MAGEC3: variants seen among roughly 807,000 people sequenced by gnomAD.
MAGEC3 encodes melanoma-associated antigen C3.
In MAGEC3, 34 loss-of-function variants were observed where a neutral mutation model predicts 35.3. The observed-to-expected ratio is 0.96, with a 90% CI of 0.73 to 1.28. The LOEUF is 1.28. Ranked by LOEUF, MAGEC3 falls within the 50% of genes most tolerant of loss-of-function variation. The probability of loss-of-function intolerance (pLI) is 0.00; values close to 1 mark genes in which losing one functional copy is unlikely to be tolerated. For synonymous variants in MAGEC3, 202 were observed against 185.6 expected, an observed-to-expected ratio of 1.09 and a Z score of -0.72; for missense variants, 561 against 483.6, an observed-to-expected ratio of 1.16 and a Z score of -1.50.
At position 141,865,610 on chromosome X, in the gene MAGEC3, G is replaced by A; in HGVS notation, c.258+5G>A. 8.3e-7 allele frequency: 1 copy of A among 1,198,530 alleles called. No individual in the cohort carries two copies. Among genetic ancestry groups the A allele is most frequent in the African/African-American group, 1.7e-5 (1 of 57,377 alleles). On this transcript the variant is annotated splice_donor_5th_base_variant and intron_variant, in intron 2 of 7. Transcript: ENST00000298296. The stretch of plus-strand genomic sequence containing the variant: ...CTCTGCCCCACATACTTCAAGGTAA[G>A]GACTCTAAGGAAAGACTGAGGGGAC...
At chrX:141,885,033 C>T (rs2017992036) in intron 4 of MAGEC3, among the ~76,000 whole-genome samples, 1 of 111,484 alleles carries the variant, frequency 9.0e-6, no homozygotes, top group African/African-American at 3.3e-5. Flanking sequence ...CAGTGATGGC[C>T]TCCTCTGAGG....
intron 4 of MAGEC3, among the ~76,000 whole-genome samples, chrX:141,893,303 G>T (rs751162038): frequency 9.0e-6 from 1 of 111,605 alleles, no homozygotes; most frequent in African/African-American, 3.3e-5. Flanking sequence ...AATCTTAAAA[G>T]GCTACATAAT....
In MAGEC3 at chrX:141,881,590, A is replaced by T; in HGVS notation, c.703A>T (p.Ile235Phe). Residue 235 changes from isoleucine to phenylalanine, a missense_variant, in exon 4 of 8, where the codon ATT (isoleucine) becomes TTT (phenylalanine). Transcript: ENST00000298296. ...IFRKAREFIE[I>F]LFGISLTEVD... ...CAGGAAAGCCCGTGAGTTCATAGAG[A>T]TTCTTTTTGGCATTTCCCTGACAGA... 1 of 1,210,855 alleles carries T rather than the reference A, an allele frequency of 8.3e-7. No homozygotes were observed. The highest frequency in any genetic ancestry group is 1.1e-6 in the Non-Finnish European group (1 of 895,123).
chrX:141,896,544 T>G, intron 6 of MAGEC3: 1 of 1,190,410 alleles, frequency 8.4e-7, no homozygotes, highest in Non-Finnish European at 1.1e-6. Context: ...ATAGGTGAGT[T>G]TCTCAGCTGA....
At chrX:141,889,958 C>T (rs1483545456) in intron 4 of MAGEC3, among the ~76,000 whole-genome samples, 1 of 112,508 alleles carries the variant, frequency 8.9e-6, no homozygotes, top group Non-Finnish European at 1.9e-5. Context: ...CGTGTACACA[C>T]TTGTACTAAG....
chrX:141,884,092 A>C (rs2124119340), intron 4 of MAGEC3, among the ~76,000 whole-genome samples: 1 of 113,027 alleles, frequency 8.8e-6, no homozygotes, highest in East Asian at 2.8e-4. Flanking sequence ...GATGGTTAAT[A>C]CTGAGTGTCA....
intron 2 of MAGEC3, among the ~76,000 whole-genome samples, chrX:141,867,503 ACT>A (rs2017856626): frequency 9.0e-6 from 1 of 110,795 alleles, no homozygotes; most frequent in African/African-American, 3.3e-5. Flanking sequence ...ATCCTTAAAA[ACT>A]CTTAGTCTGT....
intron 1 of MAGEC3, among the ~76,000 whole-genome samples, chrX:141,858,519 CTTTAT>C (rs1000793556): frequency 5.4e-5 from 6 of 111,235 alleles, no homozygotes; most frequent in East Asian, 2.8e-4. Context: ...ATTTTTATGA[CTTTAT>C]TTTATTTACA....
In MAGEC3 at chrX:141,881,810, G is replaced by C. The variant is rs2017968305; in HGVS notation, c.909+14G>C. On this transcript the variant is annotated intron_variant, in intron 4 of 7. Transcript: ENST00000298296. ...AATGCAATAGGGGTGTGTGCTCAGA[G>C]GGAGCATTTCGTCTATCGGGAGCCC... 1 of 1,209,142 alleles carries C rather than the reference G, an allele frequency of 8.3e-7. No homozygotes were observed. Among genetic ancestry groups the C allele is most frequent in the African/African-American group, 1.8e-5 (1 of 56,947 alleles).
intron 1 of MAGEC3, among the ~76,000 whole-genome samples, chrX:141,863,893 C>G (rs186497251): frequency 9.0e-6 from 1 of 110,931 alleles, no homozygotes; most frequent in Non-Finnish European, 1.9e-5. Flanking sequence ...AGCACTCGTT[C>G]GATGAAAGCA....
At chrX:141,872,771 C>G (rs950068219) in intron 2 of MAGEC3, among the ~76,000 whole-genome samples, 2 of 111,919 alleles carry the variant, frequency 1.8e-5, no homozygotes, top group Admixed American at 1.9e-4. Flanking sequence ...GTGGTGGAAT[C>G]TTGAGACCTG....
chrX:141,897,677 T>C lies in MAGEC3; in HGVS notation c.1777T>C (p.Ser593Pro). 9 of 1,211,424 alleles carry C rather than the reference T, an allele frequency of 7.4e-6. No homozygotes were observed. The highest frequency in any genetic ancestry group is 1.0e-5 in the Non-Finnish European group (9 of 895,391). ...REVLEFLSKL[S>P]SIIPSAFPSW... is the part of the protein sequence containing the mutation. ...AGTCTTAGAGTTTTTATCCAAGCTA[T>C]CCAGTATCATCCCTAGTGCCTTTCC... Residue 593 changes from serine to proline, a missense_variant, in exon 8 of 8, where the codon TCC becomes CCC. Ser to Pro is a moderately conservative substitution (Grantham distance 74). Coordinates refer to ENST00000298296, the MANE Select transcript of MAGEC3 (RefSeq NM_138702.1).
At chrX:141,850,471 T>C (rs1055579804) in intron 1 of MAGEC3, among the ~76,000 whole-genome samples, 14 of 111,599 alleles carry the variant, frequency 1.3e-4, no homozygotes, top group South Asian at 3.7e-4. Context: ...GAAAGTGTTA[T>C]AGTCCAAGTT....
intron 4 of MAGEC3, among the ~76,000 whole-genome samples, chrX:141,886,690 T>G (rs910435260): frequency 9.0e-6 from 1 of 110,818 alleles, no homozygotes; most frequent in African/African-American, 3.3e-5. Context: ...AGTGCCAGAA[T>G]GTATAATTGG....
chrX:141,860,552 G>A (rs948658729), intron 1 of MAGEC3, among the ~76,000 whole-genome samples: 3 of 111,787 alleles, frequency 2.7e-5, no homozygotes, highest in African/African-American at 9.8e-5. Context: ...CAACCCAAAT[G>A]TCTGCTGAAA....
At chrX:141,855,367 A>G (rs1306680767) in intron 1 of MAGEC3, among the ~76,000 whole-genome samples, 1 of 111,320 alleles carries the variant, frequency 9.0e-6, no homozygotes, top group Non-Finnish European at 1.9e-5. Context: ...CACTAAAACT[A>G]ATAATGTATT....
Position 141,881,414 on chromosome X carries a change from G to A in MAGEC3, c.527G>A (p.Ser176Asn), listed in dbSNP as rs938223027. ...AGTACCTGGCACAGCTTGCCAGAGA[G>A]CGAGCCCTTGTTCACTTATACACTG... is the stretch of plus-strand genomic sequence containing the variant. Reference protein sequence around the residue: ...WGEKAGSLPESEPLFTYTLDE... With the variant: ...WGEKAGSLPENEPLFTYTLDE... Residue 176 changes from serine to asparagine, a missense_variant, in exon 4 of 8, where the codon AGC becomes AAC. Ser to Asn is a conservative substitution (Grantham distance 46). Transcript: ENST00000298296. 3.3e-6 allele frequency: 4 copies of A among 1,197,855 alleles called. No homozygotes were observed. Among genetic ancestry groups the A allele is most frequent in the African/African-American group, 3.5e-5 (2 of 56,603 alleles).
intron 4 of MAGEC3, among the ~76,000 whole-genome samples, chrX:141,885,390 G>T (rs1451887251): frequency 9.1e-6 from 1 of 110,013 alleles, no homozygotes; most frequent in Non-Finnish European, 1.9e-5. Flanking sequence ...TCTAAGGCCG[G>T]GCGCAGTGGC....
chrX:141,874,450 A>T (rs192850065), intron 2 of MAGEC3, among the ~76,000 whole-genome samples: 3 of 112,218 alleles, frequency 2.7e-5, no homozygotes, highest in Non-Finnish European at 5.6e-5. Flanking sequence ...TTGCAAAAAA[A>T]ATCTGACTGA....
Sources: allele counts gnomAD v4.1 joint callset (sites outside exome capture counted in the v4.1 genomes callset), GRCh38; gene constraint gnomAD v4.1.1; transcripts MANE v1.5; gene names NCBI Gene and HGNC (gene_info 2026-07-23, HGNC 2026-07-21).